FARS2: variants seen among roughly 807,000 people sequenced by gnomAD.
The protein encoded by FARS2 is phenylalanine--tRNA ligase, mitochondrial.
In FARS2, 40 loss-of-function variants were observed where a neutral mutation model predicts 46.4. The ratio of observed to expected loss-of-function variants is 0.86; its 90% CI spans 0.67 to 1.12. The LOEUF (loss-of-function observed/expected upper bound fraction) is 1.12. Ranked by LOEUF, FARS2 falls within the 50% of genes most tolerant of loss-of-function variation. FARS2 has a pLI of 0.00. For synonymous variants in FARS2, 234 were observed against 214.9 expected (o/e 1.09, Z -0.78); for missense variants, 513 against 567.9 (o/e 0.90, Z 0.98).
intron 1 of FARS2, among the ~76,000 whole-genome samples, chr6:5,262,442 C>G (rs1432592063): frequency 6.6e-6 from 1 of 152,048 alleles, no homozygotes; most frequent in African/African-American, 2.4e-5. Context: ...CCTCGCCCAG[C>G]TAATTTTTGT....
At chr6:5,591,808 C>G (rs1472869648) in intron 5 of FARS2, among the ~76,000 whole-genome samples, 1 of 152,144 alleles carries the variant, frequency 6.6e-6, no homozygotes, top group Non-Finnish European at 1.5e-5. Context: ...GTACTTCATT[C>G]CTTAAATTAG....
At chr6:5,334,623 G>C (rs547499369) in intron 1 of FARS2, among the ~76,000 whole-genome samples, 5 of 152,272 alleles carry the variant, frequency 3.3e-5, no homozygotes, top group Admixed American at 1.3e-4. Context: ...GTGCACAGCA[G>C]TTTGCTAATG....
At chr6:5,315,665 A>T (rs1253908818) in intron 1 of FARS2, among the ~76,000 whole-genome samples, 1 of 146,444 alleles carries the variant, frequency 6.8e-6, no homozygotes, top group African/African-American at 2.5e-5. Context: ...TCTTGCCAAC[A>T]TATTATTTTG....
intron 4 of FARS2, among the ~76,000 whole-genome samples, chr6:5,487,160 T>C (rs112619382): frequency 2.0e-5 from 3 of 152,232 alleles, no homozygotes; most frequent in African/African-American, 7.2e-5. Context: ...TGTTTGTCTT[T>C]CAGTTTCCAC....
At chr6:5,608,953 G>C (rs908616270) in intron 5 of FARS2, among the ~76,000 whole-genome samples, 2 of 151,734 alleles carry the variant, frequency 1.3e-5, no homozygotes, top group African/African-American at 4.8e-5. Flanking sequence ...TCAACAGCAT[G>C]GGTGCCAAAA....
intron 6 of FARS2, among the ~76,000 whole-genome samples, chr6:5,625,759 C>T (rs981992720): frequency 2.6e-5 from 4 of 152,136 alleles, no homozygotes; most frequent in African/African-American, 7.2e-5. Context: ...GCCTGGGATG[C>T]GGGACTCTGC....
At chr6:5,317,504 C>T (rs1457020626) in intron 1 of FARS2, among the ~76,000 whole-genome samples, 2 of 152,098 alleles carry the variant, frequency 1.3e-5, no homozygotes, top group Non-Finnish European at 2.9e-5. Flanking sequence ...GGCCAGGCTG[C>T]GTGTGGTGGT....
chr6:5,309,593 G>A (rs1290040990), intron 1 of FARS2, among the ~76,000 whole-genome samples: 2 of 152,090 alleles, frequency 1.3e-5, no homozygotes, highest in East Asian at 3.8e-4. Flanking sequence ...TTTTGAAATA[G>A]GATCTTATGA....
At chr6:5,708,764 C>T (rs1233296566) in intron 6 of FARS2, among the ~76,000 whole-genome samples, 3 of 152,098 alleles carry the variant, frequency 2.0e-5, no homozygotes, top group Non-Finnish European at 2.9e-5. Flanking sequence ...GGGCTCAAGC[C>T]ATCCTCCCAC....
At chr6:5,372,192 C>T (rs1759102917) in intron 2 of FARS2, among the ~76,000 whole-genome samples, 1 of 151,954 alleles carries the variant, frequency 6.6e-6, no homozygotes, top group South Asian at 2.1e-4. Flanking sequence ...AAATTTATAA[C>T]CATGTTAGAA....
chr6:5,678,690 T>C (rs753305319), intron 6 of FARS2, among the ~76,000 whole-genome samples: 9 of 152,132 alleles, frequency 5.9e-5, no homozygotes, highest in Admixed American at 2.0e-4. Flanking sequence ...CATTCCCACA[T>C]CCTTCAGAAG....
At chr6:5,685,711 T>C (rs1163431494) in intron 6 of FARS2, among the ~76,000 whole-genome samples, 1 of 152,122 alleles carries the variant, frequency 6.6e-6, no homozygotes, top group Non-Finnish European at 1.5e-5. Flanking sequence ...AAGGGGAACA[T>C]GCTATACCCT....
chr6:5,629,625 A>T (rs1054329073), intron 6 of FARS2, among the ~76,000 whole-genome samples: 20 of 152,176 alleles, frequency 1.3e-4, no homozygotes, highest in Non-Finnish European at 4.4e-5. Flanking sequence ...AAATGTGGAG[A>T]GTCATTAAAT....
At chr6:5,528,239 AG>A (rs1769595895) in intron 4 of FARS2, among the ~76,000 whole-genome samples, 1 of 151,922 alleles carries the variant, frequency 6.6e-6, no homozygotes, top group Non-Finnish European at 1.5e-5. Flanking sequence ...TCTGTTGCCA[AG>A]GTTGGATTTG....
chr6:5,634,680 C>A (rs1776457737), intron 6 of FARS2, among the ~76,000 whole-genome samples: 1 of 152,160 alleles, frequency 6.6e-6, no homozygotes, highest in Non-Finnish European at 1.5e-5. Flanking sequence ...GTTTGTTTTG[C>A]TTGTGCTCCT....
chr6:5,336,579 T>C (rs925342398), intron 1 of FARS2, among the ~76,000 whole-genome samples: 1 of 152,164 alleles, frequency 6.6e-6, no homozygotes, highest in African/African-American at 2.4e-5. Flanking sequence ...GATACAGGCA[T>C]GCAATGTGAA....
intron 4 of FARS2, among the ~76,000 whole-genome samples, chr6:5,463,333 T>C (rs555499727): frequency 6.6e-6 from 1 of 152,306 alleles, no homozygotes; most frequent in Non-Finnish European, 1.5e-5. Context: ...CTTGCTAAAG[T>C]TGTTTATTAG....
chr6:5,256,490 G>GAAAAAAAAAAAAAAAAAAAAAAAA (rs777995486), upstream of FARS2, among the ~76,000 whole-genome samples: 8 of 37,520 alleles, frequency 2.1e-4, 3 homozygotes, highest in Admixed American at 7.2e-4. Flanking sequence ...GATTTCAACT[G>GAAAAAAAAAAAAAAAAAAAAAAAA]GAAAAAAAAA....
intron 6 of FARS2, among the ~76,000 whole-genome samples, chr6:5,692,423 A>C (rs1361468389): frequency 1.3e-5 from 2 of 152,160 alleles, no homozygotes; most frequent in Admixed American, 1.3e-4. Context: ...CTTTTGGCAA[A>C]CCATATATTC....
Sources: gnomAD v4.1 joint callset for allele counts (sites outside exome capture counted in the v4.1 genomes callset) on GRCh38, gnomAD v4.1.1 for gene constraint, MANE v1.5 for transcripts, NCBI Gene and HGNC (gene_info 2026-07-23, HGNC 2026-07-21) for gene names.